The following PAFAH1B2 variants were observed in gnomAD, a reference collection of about 807,000 sequenced individuals.
PAFAH1B2 encodes the protein platelet activating factor acetylhydrolase 1b catalytic subunit 2, also known as platelet-activating factor acetylhydrolase IB subunit alpha2.
Under a neutral mutation model 28.0 loss-of-function variants are expected in PAFAH1B2, and 8 were observed. The ratio of observed to expected loss-of-function variants is 0.29; its 90% CI spans 0.17 to 0.52. PAFAH1B2 has a LOEUF of 0.52. Ranked by LOEUF, PAFAH1B2 falls within the 20% of genes least tolerant of loss-of-function variation. The pLI, the probability that PAFAH1B2 is intolerant of heterozygous loss-of-function variation, is 0.97. For synonymous variants in PAFAH1B2, 104 were observed against 103.2 expected (o/e 1.01, Z -0.05); for missense variants, 190 against 282.6 (o/e 0.67, Z 2.35).
At chr11:117,150,449 C>T (rs548186616) in intron 1 of PAFAH1B2, among the ~76,000 whole-genome samples, 53 of 151,076 alleles carry the variant, frequency 3.5e-4, no homozygotes, top group South Asian at 4.2e-4. Context: ...TGCACCCAGC[C>T]GATGATGTTG....
chr11:117,170,647 A>AT lies in PAFAH1B2; in HGVS notation c.*2948_*2949insT. The AT allele has an allele frequency of 7.0e-6, 7 of 993,748 alleles. No individual in the cohort carries two copies. The highest frequency in any genetic ancestry group is 8.5e-6 in the Non-Finnish European group (7 of 822,558). 61.6% of individuals were successfully genotyped at this position (993,748 alleles called of 1,614,324 possible). A position where few individuals can be genotyped will look rare whatever the true frequency, so the allele number is the denominator to read the frequency against. On this transcript the variant is annotated 3_prime_UTR_variant, in exon 6 of 6. Coordinates refer to ENST00000527958, the MANE Select transcript of PAFAH1B2 (RefSeq NM_002572.4). ...TGTTTAAAAAAAAAAAAAAAAAAAA[A>AT]GTCCAACTTACTTTATTTTATTTTT... is the stretch of plus-strand genomic sequence containing the variant.
chr11:117,146,411 C>T (rs558399219), intron 1 of PAFAH1B2, among the ~76,000 whole-genome samples: 32 of 152,178 alleles, frequency 2.1e-4, no homozygotes, highest in African/African-American at 7.7e-4. Context: ...TGCGTCTTAC[C>T]ACTGGGTAGC....
intron 2 of PAFAH1B2, among the ~76,000 whole-genome samples, chr11:117,156,571 G>GTTAAT (rs1299785384): frequency 1.3e-5 from 2 of 152,164 alleles, no homozygotes; most frequent in Admixed American, 1.3e-4. Context: ...TAGTTACTAG[G>GTTAAT]TTAAGGTGGT....
chr11:117,144,691 C>T (rs1565256839), intron 1 of PAFAH1B2, among the ~76,000 whole-genome samples: 1 of 152,126 alleles, frequency 6.6e-6, no homozygotes, highest in Non-Finnish European at 1.5e-5. Context: ...TCCTCAGCCG[C>T]CGGCCGGCGC....
At position 117,170,184 on chromosome 11, in the gene PAFAH1B2, T is replaced by A; in HGVS notation, c.*2485T>A. On this transcript the variant is annotated 3_prime_UTR_variant, in exon 6 of 6. Transcript: ENST00000527958. The stretch of plus-strand genomic sequence containing the variant: ...AGTTTGCGTCAGTGACAGAACTTAC[T>A]GCTTAGTCTTTGTACTTTTTAAAAA... 2.8e-6 allele frequency: 3 copies of A among 1,056,728 alleles called. No homozygotes were observed. The highest frequency in any genetic ancestry group is 3.4e-6 in the Non-Finnish European group (3 of 873,916). 65.5% of individuals were successfully genotyped at this position (1,056,728 alleles called of 1,614,324 possible).
chr11:117,163,727 G>A, intron 4 of PAFAH1B2, 43 bp from the exon 5 acceptor site: 2 of 1,590,446 alleles, frequency 1.3e-6, no homozygotes, highest in Non-Finnish European at 1.7e-6. Flanking sequence ...CTTTGTTCCT[G>A]GGTATTTATC....
rs1555030155 is a variant in PAFAH1B2, at chr11:117,157,304, AGTTT to A, written c.82-2617_82-2614del. ...AATAAATGAATATATATATATATATAGTTTGTTTGTTTGTTTAATTAGAGATGGG... is the reference window on the plus strand; with the variant it reads ...AATAAATGAATATATATATATATATAGTTTGTTTGTTTAATTAGAGATGGG... On this transcript the variant is annotated intron_variant, in intron 2 of 5. Coordinates refer to ENST00000527958, the MANE Select transcript of PAFAH1B2 (RefSeq NM_002572.4). 8.3e-3 allele frequency among the ~76,000 whole-genome samples: 1,250 copies of A among 151,358 alleles called. 14 individuals are homozygous for A. Among genetic ancestry groups the A allele is most frequent in the African/African-American group, 0.029 (1,194 of 41,296 alleles).
chr11:117,160,765 A>G (rs1956354519), intron 3 of PAFAH1B2, among the ~76,000 whole-genome samples: 1 of 151,990 alleles, frequency 6.6e-6, no homozygotes, highest in Non-Finnish European at 1.5e-5. Context: ...CCCCAAGGGA[A>G]ATTTAAAAGA....
chr11:117,171,609 C>G, downstream of PAFAH1B2: 1 of 989,512 alleles, frequency 1.0e-6, no homozygotes, highest in Non-Finnish European at 1.5e-6. Flanking sequence ...ATTTATCACC[C>G]TTACGTCCCC....
chr11:117,149,654 G>T (rs1278021459), intron 1 of PAFAH1B2, among the ~76,000 whole-genome samples: 23 of 146,456 alleles, frequency 1.6e-4, no homozygotes, highest in Admixed American at 1.1e-3. Context: ...GGATGGTCTC[G>T]ATCTCCTGAC....
Position 117,170,838 on chromosome 11 carries a change from G to T in PAFAH1B2, c.*3139G>T. ...CCTAAATCCGTGTGGGTGCATGTGG[G>T]AGAAGTGAGTTAGGGCCTCTTGAAA... On this transcript the variant is annotated 3_prime_UTR_variant, in exon 6 of 6. Transcript: ENST00000527958. 9.4e-7 allele frequency: 1 copy of T among 1,059,976 alleles called. No homozygotes were observed. The highest frequency in any genetic ancestry group is 1.1e-6 in the Non-Finnish European group (1 of 875,954). 65.7% of individuals were successfully genotyped at this position (1,059,976 alleles called of 1,614,324 possible).
chr11:117,163,901 T>G lies in PAFAH1B2; in HGVS notation c.411+9T>G, dbSNP rs755394587. 6.2e-7 allele frequency: 1 copy of G among 1,612,454 alleles called. No homozygotes were observed. Among genetic ancestry groups the G allele is most frequent in the Non-Finnish European group, 8.5e-7 (1 of 1,179,130 alleles). ...CCAAAATCATTGTATTGGTATGTAG[T>G]CGTTGGTGGGTAGAGAGTTTGTTAT... On this transcript the variant is annotated intron_variant, in intron 5 of 5. Coordinates refer to ENST00000527958, the MANE Select transcript of PAFAH1B2 (RefSeq NM_002572.4).
At chr11:117,157,699 G>A (rs936765774) in intron 2 of PAFAH1B2, among the ~76,000 whole-genome samples, 18 of 152,254 alleles carry the variant, frequency 1.2e-4, no homozygotes, top group African/African-American at 3.4e-4. Flanking sequence ...GGCTAAGGCA[G>A]GAGGGTCACT....
intron 4 of PAFAH1B2, among the ~76,000 whole-genome samples, chr11:117,161,723 G>T (rs759585301): frequency 6.6e-6 from 1 of 152,048 alleles, no homozygotes; most frequent in Non-Finnish European, 1.5e-5. Flanking sequence ...GGCCAGGCTG[G>T]TCTTGAACTC....
intron 2 of PAFAH1B2, among the ~76,000 whole-genome samples, chr11:117,156,228 A>G (rs1956251890): frequency 6.6e-6 from 1 of 152,176 alleles, no homozygotes; most frequent in East Asian, 1.9e-4. Flanking sequence ...GATTATAAAA[A>G]CTGCATTGCT....
intron 2 of PAFAH1B2, among the ~76,000 whole-genome samples, chr11:117,156,175 A>G (rs1418732973): frequency 6.6e-6 from 1 of 152,214 alleles, no homozygotes; most frequent in East Asian, 1.9e-4. Context: ...TGACGGAGCA[A>G]GACCCTGTCT....
intron 4 of PAFAH1B2, among the ~76,000 whole-genome samples, chr11:117,161,836 T>TA (rs943102652): frequency 6.6e-6 from 1 of 151,952 alleles, no homozygotes; most frequent in African/African-American, 2.4e-5. Flanking sequence ...GCTAACGAGG[T>TA]ATGCTATTCT....
In PAFAH1B2 at chr11:117,169,509, G is replaced by A. The variant is rs1956598525; in HGVS notation, c.*1810G>A. 5 of 1,054,864 alleles carry A rather than the reference G, an allele frequency of 4.7e-6. No homozygotes were observed. Among genetic ancestry groups the A allele is most frequent in the Non-Finnish European group, 5.7e-6 (5 of 872,668 alleles). 65.3% of individuals were successfully genotyped at this position (1,054,864 alleles called of 1,614,324 possible). On this transcript the variant is annotated 3_prime_UTR_variant, in exon 6 of 6. Coordinates refer to ENST00000527958, the MANE Select transcript of PAFAH1B2 (RefSeq NM_002572.4). Reference sequence around the variant, plus strand: ...ATGTTGGAGGAGGGCTTACTGATGCGTGCTAAGACCGATTTCTGATTGAGG... The same window carrying A: ...ATGTTGGAGGAGGGCTTACTGATGCATGCTAAGACCGATTTCTGATTGAGG...
chr11:117,158,119 T>TAA, intron 2 of PAFAH1B2, among the ~76,000 whole-genome samples: 1 of 152,308 alleles, frequency 6.6e-6, no homozygotes, highest in African/African-American at 2.4e-5. Flanking sequence ...GCCTGAGTGA[T>TAA]AAAGTGAGAT....
Sources: gnomAD v4.1 joint callset for allele counts (sites outside exome capture counted in the v4.1 genomes callset) on GRCh38, gnomAD v4.1.1 for gene constraint, MANE v1.5 for transcripts, NCBI Gene and HGNC (gene_info 2026-07-23, HGNC 2026-07-21) for gene names.